Variants in ABITRAM observed in about 807,000 individuals in gnomAD.
ABITRAM encodes actin binding transcription modulator, also known as protein Abitram.
A neutral mutation model predicts 22.9 loss-of-function variants in ABITRAM; 19 were observed. The ratio of observed to expected loss-of-function variants is 0.83; its 90% CI spans 0.58 to 1.22. The LOEUF is 1.22. ABITRAM is among the 50% of genes most tolerant of loss of function. ABITRAM has a pLI of 0.00. For missense variants in ABITRAM, 215 were observed against 220.2 expected (o/e 0.98, Z 0.15); for synonymous variants, 70 against 73.9 (o/e 0.95, Z 0.27).
At position 108,939,368 on chromosome 9, in the gene ABITRAM, T is replaced by G. The variant is rs1244758800; in HGVS notation, c.339-17T>G. Reference sequence around the variant, plus strand: ...TTAACTAAGTAAACATGCTGAAATCTTAAATTTTTTTAATAGTTGTGTTAG... The same window carrying G: ...TTAACTAAGTAAACATGCTGAAATCGTAAATTTTTTTAATAGTTGTGTTAG... On this transcript the variant is annotated splice_polypyrimidine_tract_variant and intron_variant, in intron 4 of 5. Coordinates refer to ENST00000322940, the MANE Select transcript of ABITRAM (RefSeq NM_017832.4). 6.3e-6 allele frequency: 10 copies of G among 1,599,340 alleles called. No homozygotes were observed. The highest frequency in any genetic ancestry group is 1.1e-5 in the South Asian group (1 of 87,640).
In ABITRAM at chr9:108,939,552, T is replaced by A; in HGVS notation, c.412T>A (p.Ser138Thr). Reference sequence around the variant, plus strand: ...CTAAATGTTCTTTCCTTTCCAGCCATCTACTGAAGGCTACATTGCAGTTGT... The same window carrying A: ...CTAAATGTTCTTTCCTTTCCAGCCAACTACTGAAGGCTACATTGCAGTTGT... ...HKPSILQEKP[S>T]TEGYIAVVLP... The change falls in exon 6 of 6, where the codon TCT becomes ACT. Residue 138 changes from serine to threonine, a missense_variant. Physicochemically the swap from Ser to Thr is moderately conservative, Grantham distance 58. Coordinates refer to ENST00000322940, the MANE Select transcript of ABITRAM (RefSeq NM_017832.4). The A allele has an allele frequency of 6.2e-7, 1 of 1,613,660 alleles. No homozygotes were observed. The highest frequency in any genetic ancestry group is 1.1e-5 in the South Asian group (1 of 90,974).
downstream of ABITRAM, among the ~76,000 whole-genome samples, chr9:108,944,348 A>G (rs2132075481): frequency 6.6e-6 from 1 of 152,284 alleles, no homozygotes; most frequent in East Asian, 1.9e-4. Flanking sequence ...AGCTCATCTC[A>G]AATATGCTCA....
Position 108,934,404 on chromosome 9 carries a change from G to T in ABITRAM, c.-83G>T, listed in dbSNP as rs542747068. 3.3e-6 allele frequency: 4 copies of T among 1,211,276 alleles called. No individual in the cohort carries two copies. The highest frequency in any genetic ancestry group is 2.9e-5 in the East Asian group (1 of 34,342). The allele number at this position is 1,211,276 out of a possible 1,614,324, so 75.0% of individuals were successfully genotyped here. A position where few individuals can be genotyped will look rare whatever the true frequency, so the allele number is the denominator to read the frequency against. On this transcript the variant is annotated 5_prime_UTR_variant, in exon 1 of 6. Transcript: ENST00000322940. ...CGCGTGCGCACGACACGCGCTGTGC[G>T]CCGGAAGAGCACGCCCAGTCCGGGC...
chr9:108,934,568 A>G lies in ABITRAM; in HGVS notation c.79+3A>G, dbSNP rs376808562. On this transcript the variant is annotated splice_donor_region_variant and intron_variant, in intron 1 of 5. Coordinates refer to ENST00000322940, the MANE Select transcript of ABITRAM (RefSeq NM_017832.4). ...CTTCACTCGCTGGTACAAACCGGGT[A>G]AGTGCGGAGTGATGTTGATCCCTCC... The G allele has an allele frequency of 5.1e-5, 82 of 1,601,678 alleles. 1 individual carries two copies. The South Asian group carries it at 8.3e-4, about 16-fold the overall frequency.
At chr9:108,945,642 T>G (rs955945617), downstream of ABITRAM, among the ~76,000 whole-genome samples, 5,821 of 124,282 alleles carry the variant, frequency 0.047, 384 homozygotes, top group African/African-American at 0.17. Flanking sequence ...TTTTTTTTTT[T>G]GTTTTGTTTT....
At chr9:108,935,947 G>C (rs1040188767) in intron 2 of ABITRAM, 2 of 533,150 alleles carry the variant, frequency 3.8e-6, no homozygotes, top group East Asian at 6.6e-5. Context: ...GCTACTTGAA[G>C]TGGCCAGTCT....
intron 3 of ABITRAM, among the ~76,000 whole-genome samples, chr9:108,937,553 T>G (rs1030556757): frequency 8.5e-5 from 13 of 152,196 alleles, no homozygotes; most frequent in African/African-American, 3.1e-4. Context: ...TACTGATTTA[T>G]TGTGCTTTAC....
At position 108,948,200 on chromosome 9, in the gene ABITRAM, T is replaced by C. The variant is rs750674834; in HGVS notation, c.262-2307T>C. 4 of 1,612,266 alleles carry C rather than the reference T, an allele frequency of 2.5e-6. No individual in the cohort carries two copies. In the South Asian group the frequency reaches 4.4e-5, roughly 18 times the overall value. The stretch of plus-strand genomic sequence containing the variant: ...ACAAGGCATACCTCTAGTTGATGAA[T>C]TAAATCCTGGGAAGTTTTCAGTGGC... On this transcript the variant is annotated intron_variant, in intron 3 of 3. Coordinates refer to the ABITRAM transcript ENST00000374624.
chr9:108,946,008 A>C (rs1000258177), intron 3 of ABITRAM, among the ~76,000 whole-genome samples: 1 of 152,094 alleles, frequency 6.6e-6, no homozygotes, highest in South Asian at 2.1e-4. Flanking sequence ...TACTTAAAAC[A>C]TAATAGGATC....
intron 3 of ABITRAM, among the ~76,000 whole-genome samples, chr9:108,936,643 A>G (rs1274619559): frequency 1.3e-5 from 2 of 152,206 alleles, no homozygotes; most frequent in Admixed American, 1.3e-4. Flanking sequence ...CTGTTATATT[A>G]GGTTCTGTGC....
At chr9:108,936,283 C>T (rs761495479) in intron 2 of ABITRAM, 25 bp from the exon 3 acceptor site, 3 of 1,606,570 alleles carry the variant, frequency 1.9e-6, no homozygotes, top group Admixed American at 3.4e-5. Context: ...AGCAATCACA[C>T]AGGATCAACT....
Position 108,939,624 on chromosome 9 carries a change from AC to A in ABITRAM, c.485del (p.Thr162AsnfsTer10). 2.5e-6 allele frequency: 4 copies of A among 1,614,156 alleles called. No individual in the cohort carries two copies. The highest frequency in any genetic ancestry group is 3.4e-6 in the Non-Finnish European group (4 of 1,179,996). ...ESKSITEGLLTQKQYEEVMVK... is the reference protein window; with the variant it reads ...ESKSITEGLLXQKQYEEVMVK... ...TAAAAGCATAACAGAAGGGTTACTG[AC>A]ACAAAAACAATATGAAGAAGTCATG... On this transcript the variant is annotated frameshift_variant, in exon 6 of 6. Transcript: ENST00000322940. LOFTEE classifies it low-confidence loss of function (END_TRUNC).
At chr9:108,946,084 A>G (rs1830395568) in intron 3 of ABITRAM, among the ~76,000 whole-genome samples, 1 of 152,078 alleles carries the variant, frequency 6.6e-6, no homozygotes, top group African/African-American at 2.4e-5. Context: ...GCGAATCACA[A>G]GGTCAAGAGA....
At chr9:108,947,553 C>A (rs1301888642) in intron 3 of ABITRAM, among the ~76,000 whole-genome samples, 1 of 152,144 alleles carries the variant, frequency 6.6e-6, no homozygotes, top group African/African-American at 2.4e-5. Context: ...ACATGGGGAT[C>A]AGGGAAAACA....
At chr9:108,936,176 G>C in intron 2 of ABITRAM, 132 bp from the exon 3 acceptor site, 1 of 952,448 alleles carries the variant, frequency 1.0e-6, no homozygotes, top group East Asian at 2.5e-5. Context: ...CCCAATAGTA[G>C]CCAAAGGAAA....
chr9:108,941,595 T>C (rs1381709696), downstream of ABITRAM, among the ~76,000 whole-genome samples: 2 of 152,180 alleles, frequency 1.3e-5, no homozygotes, highest in Non-Finnish European at 1.5e-5. Context: ...TTTTCCTCAA[T>C]AAAATATTGA....
Position 108,949,917 on chromosome 9 carries a change from G to A in ABITRAM, c.262-590G>A, listed in dbSNP as rs1414873186. Reference sequence around the variant, plus strand: ...TGTGTGCCTGTAATCCCAGCTACTCGGGAGGCTAAGGCATGAGAATTGCTT... The same window carrying A: ...TGTGTGCCTGTAATCCCAGCTACTCAGGAGGCTAAGGCATGAGAATTGCTT... On this transcript the variant is annotated intron_variant, in intron 3 of 3. Coordinates refer to the ABITRAM transcript ENST00000374624. 9.9e-5 allele frequency among the ~76,000 whole-genome samples: 15 copies of A among 151,190 alleles called. No individual in the cohort carries two copies. The East Asian group carries it at 1.2e-3, about 12-fold the overall frequency.
At chr9:108,948,335 T>C in intron 3 of ABITRAM, 1 of 1,130,590 alleles carries the variant, frequency 8.8e-7, no homozygotes, top group Admixed American at 2.8e-5. Flanking sequence ...TAACAAATCC[T>C]AAATTTTGAA....
At position 108,938,105 on chromosome 9, in the gene ABITRAM, A is replaced by G. The variant is rs111988550; in HGVS notation, c.262-1091A>G. ...TTTTCACTGGATCTCAGAACTGCCAATCATTCTCCCAAAGGAGGTGACAAA... is the reference window on the plus strand; with the variant it reads ...TTTTCACTGGATCTCAGAACTGCCAGTCATTCTCCCAAAGGAGGTGACAAA... On this transcript the variant is annotated intron_variant, in intron 3 of 5. Coordinates refer to ENST00000322940, the MANE Select transcript of ABITRAM (RefSeq NM_017832.4). 2.0e-3 allele frequency among the ~76,000 whole-genome samples: 308 copies of G among 152,308 alleles called. 2 individuals carry two copies. The highest frequency in any genetic ancestry group is 7.0e-3 in the African/African-American group (290 of 41,576).
Sources: allele counts gnomAD v4.1 joint callset (sites outside exome capture counted in the v4.1 genomes callset), GRCh38; gene constraint gnomAD v4.1.1; transcripts MANE v1.5; gene names NCBI Gene and HGNC (gene_info 2026-07-23, HGNC 2026-07-21).